Variants in CACNA1A observed in about 807,000 individuals in gnomAD.
CACNA1A encodes the protein calcium voltage-gated channel subunit alpha1 A, also known as voltage-dependent P/Q-type calcium channel subunit alpha-1A.
A neutral mutation model predicts 262.4 loss-of-function variants in CACNA1A; 57 were observed. The ratio of observed to expected loss-of-function variants is 0.22; its 90% CI spans 0.18 to 0.27. The LOEUF is 0.27. CACNA1A is among the 10% of genes least tolerant of loss of function. The pLI is 1.00. For synonymous variants in CACNA1A, 1,431 were observed against 1,419.3 expected (o/e 1.01, Z -0.18); for missense variants, 2,526 against 3,562.8 (o/e 0.71, Z 7.41).
intron 3 of CACNA1A, among the ~76,000 whole-genome samples, chr19:13,384,714 A>C (rs768031481): frequency 2.5e-4 from 38 of 152,156 alleles, no homozygotes; most frequent in Non-Finnish European, 5.1e-4. Flanking sequence ...AAAACCCCCC[A>C]AAAACAATAG....
intron 22 of CACNA1A, among the ~76,000 whole-genome samples, chr19:13,281,749 C>T (rs921381875): frequency 2.0e-5 from 3 of 152,152 alleles, no homozygotes; most frequent in Non-Finnish European, 4.4e-5. Flanking sequence ...ATGGTGGTTA[C>T]GTGGTGTGAA....
chr19:13,487,643 T>TA (rs1474320332), intron 1 of CACNA1A, among the ~76,000 whole-genome samples: 2 of 146,546 alleles, frequency 1.4e-5, no homozygotes, highest in Non-Finnish European at 3.0e-5. Flanking sequence ...AATTTTATGT[T>TA]ATGGGAATTT....
intron 3 of CACNA1A, among the ~76,000 whole-genome samples, chr19:13,404,289 C>T (rs61407404): frequency 0.04 from 6,115 of 152,188 alleles, 361 homozygotes; most frequent in African/African-American, 0.13. Flanking sequence ...AGCTCAGGAG[C>T]GTGGAGCAGG....
Position 13,208,903 on chromosome 19 carries a change from G to C in CACNA1A, c.6633C>G (p.His2211Gln), listed in dbSNP as rs775606907. The C allele has an allele frequency of 6.5e-7, 1 of 1,536,622 alleles. No individual in the cohort carries two copies. Among genetic ancestry groups the C allele is most frequent in the Non-Finnish European group, 8.7e-7 (1 of 1,146,772 alleles). ...GATGGTGGTGGTGGTGGTGGTGGTG[G>C]TGGTGCTGTCGATGCTTCCGATCCT... ...RPKDRKHRQHHHHHHHHHHPP... is the reference protein window; with the variant it reads ...RPKDRKHRQHQHHHHHHHHPP... The change falls in exon 46 of 47, where the codon CAC becomes CAG. Residue 2211 changes from histidine to glutamine, a missense_variant. Transcript: ENST00000360228.
In CACNA1A at chr19:13,312,732, T is replaced by A. The variant is rs1225327012; in HGVS notation, c.1605A>T (p.Ile535=). The A allele has an allele frequency of 5.0e-6, 8 of 1,595,674 alleles. No homozygotes were observed. Among genetic ancestry groups the A allele is most frequent in the Non-Finnish European group, 6.8e-6 (8 of 1,172,956 alleles). ...FLGLFMSEMF[I]KMYGLGTRPY... The stretch of plus-strand genomic sequence containing the variant: ...GCCGCGTCCCAAGCCCGTACATTTT[T>A]ATAAACATTTCGGACATAAAGAGTC... The change falls in exon 12 of 47, where the codon ATA becomes ATT. Residue 535 remains isoleucine (I), a synonymous_variant. Coordinates refer to ENST00000360228, the MANE Select transcript of CACNA1A (RefSeq NM_001127222.2).
intron 15 of CACNA1A, among the ~76,000 whole-genome samples, chr19:13,304,106 C>T (rs1600284371): frequency 1.3e-5 from 2 of 152,052 alleles, no homozygotes; most frequent in South Asian, 2.1e-4. Context: ...GGCTCTTAGC[C>T]TGGCTTCTAG....
intron 6 of CACNA1A, among the ~76,000 whole-genome samples, chr19:13,350,784 A>G (rs1371002149): frequency 6.6e-6 from 1 of 152,186 alleles, no homozygotes; most frequent in Non-Finnish European, 1.5e-5. Context: ...TGGGAGGATC[A>G]CTAGAGGCCA....
intron 10 of CACNA1A, among the ~76,000 whole-genome samples, 159 bp downstream of exon 10, chr19:13,330,085 A>G (rs1306752431): frequency 6.6e-6 from 1 of 152,096 alleles, no homozygotes; most frequent in Non-Finnish European, 1.5e-5. Context: ...TTATTCCCAT[A>G]ATGATGTAAT....
chr19:13,348,090 AATT>A (rs1407851950), intron 6 of CACNA1A, among the ~76,000 whole-genome samples: 1 of 151,654 alleles, frequency 6.6e-6, no homozygotes, highest in African/African-American at 2.4e-5. Flanking sequence ...CCAGCTAATT[AATT>A]ATTTTTCTTT....
At chr19:13,402,769 CAT>C (rs979718303) in intron 3 of CACNA1A, among the ~76,000 whole-genome samples, 21 of 126,184 alleles carry the variant, frequency 1.7e-4, no homozygotes, top group Admixed American at 2.7e-4. Flanking sequence ...CATATATATA[CAT>C]ATATATACAT....
At chr19:13,501,862 C>T (rs763256867) in intron 1 of CACNA1A, among the ~76,000 whole-genome samples, 13 of 152,180 alleles carry the variant, frequency 8.5e-5, no homozygotes, top group Non-Finnish European at 1.3e-4. Context: ...ATGAGCTCGT[C>T]TTTTGGTTTT....
At chr19:13,474,077 G>T (rs1029724266) in intron 1 of CACNA1A, among the ~76,000 whole-genome samples, 1 of 152,144 alleles carries the variant, frequency 6.6e-6, no homozygotes, top group Non-Finnish European at 1.5e-5. Flanking sequence ...GTCTCCAAAA[G>T]AAGCTTTTAC....
intron 5 of CACNA1A, among the ~76,000 whole-genome samples, chr19:13,361,237 T>C (rs1327627574): frequency 6.6e-6 from 1 of 152,168 alleles, no homozygotes; most frequent in African/African-American, 2.4e-5. Flanking sequence ...GGAGGCAGGC[T>C]GTGAAAATGC....
At chr19:13,410,023 G>GT (rs1265820141) in intron 3 of CACNA1A, among the ~76,000 whole-genome samples, 2 of 152,106 alleles carry the variant, frequency 1.3e-5, no homozygotes, top group African/African-American at 2.4e-5. Flanking sequence ...CTCCCAGCAT[G>GT]TATGCCCATA....
chr19:13,310,479 AAAAAAAAAAAATATAT>A (rs2058003157), intron 12 of CACNA1A, among the ~76,000 whole-genome samples: 10 of 37,518 alleles, frequency 2.7e-4, no homozygotes, highest in Admixed American at 2.6e-3. Flanking sequence ...AAAAAAAAAA[AAAAAAAAAAAATATAT>A]ATATATATAT....
At chr19:13,263,028 T>C (rs148141869) in intron 24 of CACNA1A, 195 bp from the exon 25 acceptor site, 5 of 579,138 alleles carry the variant, frequency 8.6e-6, no homozygotes, top group South Asian at 2.0e-5. Flanking sequence ...AGCCAGTAAG[T>C]ACGTGGCTTT....
rs1555781830 is a variant in CACNA1A at position 13,406,509 on chromosome 19, A to ATATGTATG, written c.540-34731_540-34730insCATACATA. On this transcript the variant is annotated intron_variant, in intron 3 of 46. Transcript: ENST00000360228. The stretch of plus-strand genomic sequence containing the variant: ...TATATATATATATATATATATATAT[A>ATATGTATG]TATGAAGGGAATCTGATCCCTAACA... Among the ~76,000 whole-genome samples, 646 of 109,644 alleles carry ATATGTATG rather than the reference A, an allele frequency of 5.9e-3. 24 individuals carry two copies. The highest frequency in any genetic ancestry group is 0.024 in the East Asian group (56 of 2,336). 71.9% of individuals were successfully genotyped at this position (109,644 alleles called of 152,430 possible). A position where few individuals can be genotyped will look rare whatever the true frequency, so the allele number is the denominator to read the frequency against.
Position 13,308,834 on chromosome 19 carries a change from A to C in CACNA1A, c.1669-306T>G. ...TGGGATTACAGGTGTGCCCCACCAC[A>C]TCTGGCTAATTTTAAAACATTTTTA... On this transcript the variant is annotated intron_variant, in intron 12 of 46. Coordinates refer to ENST00000360228, the MANE Select transcript of CACNA1A (RefSeq NM_001127222.2). The surrounding 1 kb of genome is among the most constrained non-coding windows in gnomAD (Gnocchi z 4.2). 4.5e-6 allele frequency: 1 copy of C among 220,194 alleles called. No individual in the cohort carries two copies. Among genetic ancestry groups the C allele is most frequent in the Non-Finnish European group, 8.9e-6 (1 of 112,188 alleles). 13.6% of individuals were successfully genotyped at this position (220,194 alleles called of 1,614,324 possible). A position where few individuals can be genotyped will look rare whatever the true frequency, so the allele number is the denominator to read the frequency against.
At chr19:13,436,238 T>C (rs1599450555) in intron 3 of CACNA1A, among the ~76,000 whole-genome samples, 1 of 152,332 alleles carries the variant, frequency 6.6e-6, no homozygotes, top group Middle Eastern at 3.4e-3. Flanking sequence ...CTTCCCACAT[T>C]GTCCCCTTGG....
Sources: gnomAD v4.1 joint callset for allele counts (sites outside exome capture counted in the v4.1 genomes callset) on GRCh38, gnomAD v4.1.1 for gene constraint, Gnocchi (gnomAD v3.1) non-coding constraint, MANE v1.5 for transcripts, NCBI Gene and HGNC (gene_info 2026-07-23, HGNC 2026-07-21) for gene names.